The following RBFOX2 variants were observed in gnomAD, a reference collection of about 807,000 sequenced individuals.
RBFOX2 encodes the protein RNA binding protein fox-1 homolog 2.
RBFOX2 carries 10 observed loss-of-function variants against 49.1 expected under a neutral mutation model. That is an observed-to-expected ratio of 0.20 (90% CI 0.13 to 0.35). The LOEUF is 0.35. RBFOX2 is among the 10% of genes least tolerant of loss of function. RBFOX2 has a pLI of 1.00. For missense variants in RBFOX2, 323 were observed against 486.9 expected (o/e 0.66, Z 3.17); for synonymous variants, 183 against 187.4 (o/e 0.98, Z 0.19).
intron 1 of RBFOX2, among the ~76,000 whole-genome samples, chr22:35,824,109 A>G (rs1316450655): frequency 6.6e-6 from 1 of 151,918 alleles, no homozygotes; most frequent in Non-Finnish European, 1.5e-5. Context: ...AGATCGCGCT[A>G]TTGCACTCCA....
chr22:35,746,554 T>C (rs764162358), exon 10 of RBFOX2: 4 of 1,595,418 alleles, frequency 2.5e-6, no homozygotes, highest in Non-Finnish European at 3.4e-6. Context: ...GTAGGCTGCA[T>C]ATCCACCCTA....
At chr22:35,894,979 A>T (rs2047662618) in intron 1 of RBFOX2, among the ~76,000 whole-genome samples, 1 of 97,394 alleles carries the variant, frequency 1.0e-5, no homozygotes, top group Admixed American at 1.4e-4. Flanking sequence ...AAAAAATCCT[A>T]AAAAAAAAAA....
chr22:35,826,081 C>A (rs1328562039), intron 1 of RBFOX2, among the ~76,000 whole-genome samples: 1 of 149,684 alleles, frequency 6.7e-6, no homozygotes, highest in Non-Finnish European at 1.5e-5. Context: ...GCGGCTCACG[C>A]CTATAATCCC....
rs1377344385 is a variant in RBFOX2, at chr22:35,885,504, T to C, written c.-34+53343A>G. On this transcript the variant is annotated intron_variant, in intron 1 of 13. Coordinates refer to the RBFOX2 transcript ENST00000359369. Reference sequence around the variant, plus strand: ...TCTGTCTAATCATATGGCAGGCTAATGACTAGGCCAGGGACAGAAATGTAA... The same window carrying C: ...TCTGTCTAATCATATGGCAGGCTAACGACTAGGCCAGGGACAGAAATGTAA... Among the ~76,000 whole-genome samples, 6 of 152,324 alleles carry C rather than the reference T, an allele frequency of 3.9e-5. No homozygotes were observed. The South Asian group carries it at 1.0e-3, about 26-fold the overall frequency.
At chr22:35,959,811 G>C (rs1441225498) in intron 1 of RBFOX2, among the ~76,000 whole-genome samples, 1 of 152,100 alleles carries the variant, frequency 6.6e-6, no homozygotes, top group African/African-American at 2.4e-5. Context: ...GATGTCCATG[G>C]GGGACTGTTT....
At chr22:35,960,186 G>A (rs929131798) in intron 1 of RBFOX2, among the ~76,000 whole-genome samples, 6 of 151,942 alleles carry the variant, frequency 3.9e-5, no homozygotes, top group African/African-American at 9.7e-5. Context: ...AATTATTACC[G>A]ACAATAATCA....
chr22:35,964,020 ACAGGTGTGAGC>A (rs1485852601), upstream of RBFOX2, among the ~76,000 whole-genome samples: 2 of 152,344 alleles, frequency 1.3e-5, no homozygotes, highest in East Asian at 3.9e-4. Flanking sequence ...TGCTGGGATT[ACAGGTGTGAGC>A]CACTATGCCC....
intron 1 of RBFOX2, chr22:35,897,875 A>G (rs964538669): frequency 5.3e-5 from 39 of 729,584 alleles, no homozygotes; most frequent in Non-Finnish European, 8.9e-5. Context: ...TATCTAGAAG[A>G]GCTTTTAATA....
chr22:35,955,528 G>A (rs1013513612), intron 1 of RBFOX2, among the ~76,000 whole-genome samples: 7 of 143,622 alleles, frequency 4.9e-5, no homozygotes, highest in Admixed American at 4.1e-4. Context: ...GGTTTCATGG[G>A]AGATAATTTT....
intron 1 of RBFOX2, among the ~76,000 whole-genome samples, chr22:35,849,611 A>T (rs1479129976): frequency 6.6e-6 from 1 of 152,174 alleles, no homozygotes; most frequent in Non-Finnish European, 1.5e-5. Context: ...AATATACACC[A>T]TACATAGCAA....
chr22:35,826,342 C>CAAAAAAAA (rs1160241662), intron 1 of RBFOX2, among the ~76,000 whole-genome samples: 2 of 62,200 alleles, frequency 3.2e-5, no homozygotes, highest in African/African-American at 1.1e-4. Flanking sequence ...AACTCCATCT[C>CAAAAAAAA]AAAAAAAAAA....
intron 1 of RBFOX2, among the ~76,000 whole-genome samples, chr22:35,945,848 G>C (rs1201416290): frequency 2.0e-5 from 3 of 152,182 alleles, no homozygotes; most frequent in African/African-American, 4.8e-5. Context: ...GAATCTGATA[G>C]TATCTAACAA....
intron 9 of RBFOX2, 143 bp downstream of exon 11, chr22:35,755,962 T>A: frequency 2.9e-6 from 1 of 345,934 alleles, no homozygotes; most frequent in Non-Finnish European, 4.6e-6. Context: ...TATAAATATA[T>A]ATATATATAT....
intron 1 of RBFOX2, among the ~76,000 whole-genome samples, chr22:35,838,322 T>A (rs934059605): frequency 6.6e-6 from 1 of 151,880 alleles, no homozygotes; most frequent in Non-Finnish European, 1.5e-5. Context: ...ATTATATGGT[T>A]GTTACACTCG....
chr22:35,969,507 G>A (rs555186058), intron 1 of RBFOX2, among the ~76,000 whole-genome samples: 3 of 152,204 alleles, frequency 2.0e-5, no homozygotes, highest in South Asian at 4.1e-4. Context: ...TCAGGAGGTC[G>A]AGGTTGCAGT....
At chr22:35,845,419 G>A (rs1184043132), upstream of RBFOX2, among the ~76,000 whole-genome samples, 1 of 150,434 alleles carries the variant, frequency 6.6e-6, no homozygotes, top group East Asian at 1.9e-4. Context: ...AAGTGAGTGT[G>A]AAATTTGAAA....
At chr22:35,915,797 A>C (rs182232503) in intron 1 of RBFOX2, among the ~76,000 whole-genome samples, 1 of 152,186 alleles carries the variant, frequency 6.6e-6, no homozygotes, top group Non-Finnish European at 1.5e-5. Context: ...GCCCACCCTA[A>C]ACAATCTGGA....
chr22:35,805,374 C>G (rs1394948120), intron 2 of RBFOX2, among the ~76,000 whole-genome samples: 2 of 151,102 alleles, frequency 1.3e-5, no homozygotes, highest in Non-Finnish European at 2.9e-5. Context: ...CAAATAACCA[C>G]ATGGAAGGAT....
intron 1 of RBFOX2, among the ~76,000 whole-genome samples, chr22:35,858,484 T>C (rs951714985): frequency 2.0e-5 from 3 of 152,174 alleles, no homozygotes; most frequent in African/African-American, 7.2e-5. Context: ...ATTAGATGAA[T>C]TCTCTAAGGA....
Sources: gnomAD v4.1 joint callset for allele counts (sites outside exome capture counted in the v4.1 genomes callset) on GRCh38, gnomAD v4.1.1 for gene constraint, MANE v1.5 for transcripts, NCBI Gene and HGNC (gene_info 2026-07-23, HGNC 2026-07-21) for gene names.